The following PLPPR1 variants were observed in gnomAD, a reference collection of about 807,000 sequenced individuals.
PLPPR1 encodes the protein phospholipid phosphatase related 1, also known as phospholipid phosphatase-related protein type 1.
PLPPR1 carries 10 observed loss-of-function variants against 33.1 expected under a neutral mutation model. The observed-to-expected ratio is 0.30, with a 90% CI of 0.19 to 0.51. PLPPR1 has a LOEUF of 0.51. Among genes scored for constraint, PLPPR1 ranks in the 20% least tolerant of loss-of-function variants. PLPPR1 has a pLI of 0.97. For missense variants in PLPPR1, 304 were observed against 408.1 expected, an observed-to-expected ratio of 0.74 and a Z score of 2.20; for synonymous variants, 151 against 151.0, an observed-to-expected ratio of 1.00 and a Z score of 0.00.
At chr9:101,167,060 A>C (rs975487912) in intron 1 of PLPPR1, among the ~76,000 whole-genome samples, 5 of 147,064 alleles carry the variant, frequency 3.4e-5, no homozygotes, top group African/African-American at 5.0e-5. Context: ...AAAAAAAAAA[A>C]AACACTGTTC....
At chr9:101,243,626 A>G (rs1020871191) in intron 2 of PLPPR1, among the ~76,000 whole-genome samples, 2 of 151,968 alleles carry the variant, frequency 1.3e-5, no homozygotes, top group Non-Finnish European at 1.5e-5. Flanking sequence ...AGGGAACATT[A>G]TGGTTCAGAT....
chr9:101,223,257 G>A (rs1826990297), intron 2 of PLPPR1, among the ~76,000 whole-genome samples: 1 of 151,316 alleles, frequency 6.6e-6, no homozygotes, highest in African/African-American at 2.4e-5. Context: ...AATTGCATGT[G>A]CCCAGGAGTT....
intron 2 of PLPPR1, among the ~76,000 whole-genome samples, chr9:101,223,327 C>A (rs111846733): frequency 2.0e-5 from 2 of 100,814 alleles, no homozygotes; most frequent in Non-Finnish European, 3.8e-5. Context: ...CAGACTGAGA[C>A]CCTGTTTCCA....
At chr9:101,143,392 A>G (rs976305639) in intron 1 of PLPPR1, among the ~76,000 whole-genome samples, 1 of 152,044 alleles carries the variant, frequency 6.6e-6, no homozygotes, top group African/African-American at 2.4e-5. Context: ...AAGCCCTAAC[A>G]CTTCATCTCT....
intron 2 of PLPPR1, among the ~76,000 whole-genome samples, chr9:101,192,545 C>G (rs117819674): frequency 0.021 from 3,134 of 152,070 alleles, 55 homozygotes; most frequent in Middle Eastern, 0.037. Flanking sequence ...GGAAAAAAAA[C>G]GTGGCTGTAC....
intron 1 of PLPPR1, among the ~76,000 whole-genome samples, chr9:101,038,875 A>G (rs2118413428): frequency 6.6e-6 from 1 of 152,112 alleles, no homozygotes; most frequent in South Asian, 2.1e-4. Flanking sequence ...TGATATTCTC[A>G]CAATAGAATA....
At chr9:101,319,527 G>A (rs1564038261) in intron 7 of PLPPR1, among the ~76,000 whole-genome samples, 1 of 152,018 alleles carries the variant, frequency 6.6e-6, no homozygotes, top group Non-Finnish European at 1.5e-5. Context: ...AATATTTAAG[G>A]TTCTCCATTA....
intron 1 of PLPPR1, among the ~76,000 whole-genome samples, chr9:101,184,304 C>T (rs1826168137): frequency 6.6e-6 from 1 of 151,502 alleles, no homozygotes. Flanking sequence ...TTTTAATTGA[C>T]AAGTGAGGAG....
chr9:101,291,907 G>A (rs1828516744), intron 4 of PLPPR1, among the ~76,000 whole-genome samples: 1 of 152,204 alleles, frequency 6.6e-6, no homozygotes, highest in African/African-American at 2.4e-5. Flanking sequence ...AAGGAACACA[G>A]CTCCTCACCA....
chr9:101,264,307 G>A (rs960577055), intron 2 of PLPPR1, among the ~76,000 whole-genome samples: 4 of 151,874 alleles, frequency 2.6e-5, no homozygotes, highest in East Asian at 1.9e-4. Flanking sequence ...TTATCCCCTC[G>A]CTTTATGGAA....
At chr9:101,133,707 A>C (rs558606097) in intron 1 of PLPPR1, among the ~76,000 whole-genome samples, 7 of 152,176 alleles carry the variant, frequency 4.6e-5, no homozygotes, top group Non-Finnish European at 8.8e-5. Flanking sequence ...CTCCTTCCAC[A>C]CTAGAAAGAG....
chr9:101,318,897 G>A (rs954790765), intron 7 of PLPPR1, among the ~76,000 whole-genome samples: 2 of 152,082 alleles, frequency 1.3e-5, no homozygotes, highest in African/African-American at 4.8e-5. Flanking sequence ...AAGCAGATGG[G>A]GGACAACTAA....
At chr9:101,311,111 A>T (rs971416482) in intron 5 of PLPPR1, among the ~76,000 whole-genome samples, 1 of 152,206 alleles carries the variant, frequency 6.6e-6, no homozygotes, top group African/African-American at 2.4e-5. Flanking sequence ...TATCAGACTC[A>T]AGTCATTGCT....
chr9:101,230,687 G>T (rs1827163728), intron 2 of PLPPR1, among the ~76,000 whole-genome samples: 1 of 151,966 alleles, frequency 6.6e-6, no homozygotes, highest in Non-Finnish European at 1.5e-5. Flanking sequence ...GGACTATTTT[G>T]ATCTCTCTCA....
At chr9:101,197,393 T>C (rs1826417052) in intron 2 of PLPPR1, among the ~76,000 whole-genome samples, 1 of 152,212 alleles carries the variant, frequency 6.6e-6, no homozygotes, top group Non-Finnish European at 1.5e-5. Flanking sequence ...AGGGCAAATA[T>C]TTAAGGCAGA....
intron 1 of PLPPR1, among the ~76,000 whole-genome samples, chr9:101,093,641 C>A (rs1830778020): frequency 6.6e-6 from 1 of 152,206 alleles, no homozygotes; most frequent in South Asian, 2.1e-4. Context: ...AAATTTTCAT[C>A]CATCTACTCA....
rs16919957 is a variant in PLPPR1 at position 101,141,988 on chromosome 9, A to G, written c.-45-43462A>G. ...TGCAGATTTCTCATTCTTGGGCCCAATTGGTTCTCCCTGTTCAGCCAATCT... is the reference window on the plus strand; with the variant it reads ...TGCAGATTTCTCATTCTTGGGCCCAGTTGGTTCTCCCTGTTCAGCCAATCT... On this transcript the variant is annotated intron_variant, in intron 1 of 7. Transcript: ENST00000374874. 9.4e-3 allele frequency among the ~76,000 whole-genome samples: 1,436 copies of G among 152,236 alleles called. 21 individuals carry two copies. Among genetic ancestry groups the G allele is most frequent in the African/African-American group, 0.027 (1,102 of 41,540 alleles).
intron 2 of PLPPR1, among the ~76,000 whole-genome samples, chr9:101,216,188 A>G (rs1826791513): frequency 6.6e-6 from 1 of 151,978 alleles, no homozygotes; most frequent in South Asian, 2.1e-4. Flanking sequence ...GCCAACATTC[A>G]TTTTGCCTAT....
intron 2 of PLPPR1, among the ~76,000 whole-genome samples, chr9:101,217,932 AACATTTGAAGAAC>A (rs1450367369): frequency 3.3e-5 from 5 of 152,298 alleles, no homozygotes; most frequent in Admixed American, 1.3e-4. Context: ...AATTTTGGAA[AACATTTGAAGAAC>A]ACATTTGAAG....
Sources: allele counts gnomAD v4.1 joint callset (sites outside exome capture counted in the v4.1 genomes callset), GRCh38; gene constraint gnomAD v4.1.1; transcripts MANE v1.5; gene names NCBI Gene and HGNC (gene_info 2026-07-23, HGNC 2026-07-21).